The following RNF217 variants were observed in gnomAD, a reference collection of about 807,000 sequenced individuals.
RNF217 encodes E3 ubiquitin-protein ligase RNF217.
RNF217 carries 31 observed loss-of-function variants against 57.8 expected under a neutral mutation model. The ratio of observed to expected loss-of-function variants is 0.54; its 90% CI spans 0.40 to 0.72. RNF217 has a LOEUF of 0.72. RNF217 is among the 30% of genes least tolerant of loss of function. The pLI is 0.00. For missense variants in RNF217, 696 were observed against 708.3 expected (o/e 0.98, Z 0.20); for synonymous variants, 313 against 294.0 (o/e 1.06, Z -0.66).
chr6:125,057,293 C>A (rs1284910365), intron 2 of RNF217, among the ~76,000 whole-genome samples: 1 of 152,070 alleles, frequency 6.6e-6, no homozygotes, highest in Non-Finnish European at 1.5e-5. Context: ...TGTCATGTCT[C>A]GTGTCATCCT....
At chr6:124,997,866 A>G (rs1461915869) in intron 1 of RNF217, among the ~76,000 whole-genome samples, 1 of 151,840 alleles carries the variant, frequency 6.6e-6, no homozygotes, top group Non-Finnish European at 1.5e-5. Flanking sequence ...TAATTTTTTC[A>G]TCCTGTAGTA....
In RNF217 at chr6:125,022,851, C is replaced by CT. The variant is rs202208843; in HGVS notation, c.883-22358dup. 6.9e-3 allele frequency among the ~76,000 whole-genome samples: 1,054 copies of CT among 152,154 alleles called. 17 individuals carry two copies. Among genetic ancestry groups the CT allele is most frequent in the African/African-American group, 0.024 (1,008 of 41,538 alleles). On this transcript the variant is annotated intron_variant, in intron 1 of 5. Transcript: ENST00000521654. The stretch of plus-strand genomic sequence containing the variant: ...CTCTCCTTTGTCACCTATGTCCCTG[C>CT]TTGACCTTGAGTTTTCTGTAGCTAG...
chr6:125,013,383 G>GTGTGTGTT (rs1354865847), intron 1 of RNF217, among the ~76,000 whole-genome samples: 4 of 151,238 alleles, frequency 2.6e-5, no homozygotes, highest in Admixed American at 2.6e-4. Context: ...GTGTGTGTGT[G>GTGTGTGTT]TGTGTGCTGT....
chr6:124,995,400 C>G (rs1042234467), intron 1 of RNF217, among the ~76,000 whole-genome samples: 2 of 152,198 alleles, frequency 1.3e-5, no homozygotes, highest in Non-Finnish European at 2.9e-5. Flanking sequence ...AATTTAGTTT[C>G]ATTACAAATG....
intron 1 of RNF217, among the ~76,000 whole-genome samples, chr6:125,011,344 C>A (rs1444438251): frequency 6.6e-6 from 1 of 152,100 alleles, no homozygotes; most frequent in Admixed American, 6.5e-5. Flanking sequence ...TCTTTTATTA[C>A]AGCCTGACAA....
At chr6:125,034,262 T>G (rs1786500000) in intron 1 of RNF217, among the ~76,000 whole-genome samples, 1 of 152,210 alleles carries the variant, frequency 6.6e-6, no homozygotes, top group Non-Finnish European at 1.5e-5. Context: ...AGACATGAAG[T>G]CTTTGCCCAT....
At chr6:125,021,790 A>G (rs916543118) in intron 1 of RNF217, among the ~76,000 whole-genome samples, 1 of 152,194 alleles carries the variant, frequency 6.6e-6, no homozygotes, top group Non-Finnish European at 1.5e-5. Flanking sequence ...CTTTCCCTGT[A>G]TAACTGAAAA....
chr6:125,016,888 A>G (rs1785633642), intron 1 of RNF217, among the ~76,000 whole-genome samples: 1 of 152,168 alleles, frequency 6.6e-6, no homozygotes, highest in Non-Finnish European at 1.5e-5. Context: ...CTATCCAACA[A>G]TCCTGCACGT....
intron 1 of RNF217, among the ~76,000 whole-genome samples, chr6:124,980,205 G>T (rs1453015631): frequency 6.6e-6 from 1 of 152,138 alleles, no homozygotes; most frequent in Non-Finnish European, 1.5e-5. Flanking sequence ...CATCTTTTGC[G>T]AAGATGTCCA....
At position 125,083,835 on chromosome 6, in the gene RNF217, G is replaced by A. The variant is rs958658132; in HGVS notation, c.*898G>A. On this transcript the variant is annotated 3_prime_UTR_variant, in exon 6 of 6. Coordinates refer to ENST00000521654, the MANE Select transcript of RNF217 (RefSeq NM_001286398.3). Reference sequence around the variant, plus strand: ...TAAGCTTTGTAAACTGACAAAACTGGCTGCTTTTAGGAAATTCTCAAGACA... The same window carrying A: ...TAAGCTTTGTAAACTGACAAAACTGACTGCTTTTAGGAAATTCTCAAGACA... The A allele has an allele frequency of 6.6e-6, 1 of 152,042 alleles. No homozygotes were observed. Among genetic ancestry groups the A allele is most frequent in the African/African-American group, 2.4e-5 (1 of 41,412 alleles). The allele number at this position is 152,042 out of a possible 1,614,324, so 9.4% of individuals were successfully genotyped here.
At chr6:124,982,616 G>A (rs868011517) in intron 1 of RNF217, among the ~76,000 whole-genome samples, 11 of 151,452 alleles carry the variant, frequency 7.3e-5, no homozygotes, top group African/African-American at 2.7e-4. Flanking sequence ...CCGTTTTATA[G>A]ATCATTTATT....
At chr6:124,963,563 C>A in intron 1 of RNF217, 137 bp downstream of exon 1, 3 of 1,092,276 alleles carry the variant, frequency 2.7e-6, no homozygotes, top group Non-Finnish European at 3.7e-6. Context: ...TTTCTCACGT[C>A]TCAGTTGTTA....
In RNF217 at chr6:125,091,042, T is replaced by C. The variant is rs1459199852; in HGVS notation, c.*8105T>C. 6.6e-6 allele frequency: 1 copy of C among 152,064 alleles called. No homozygotes were observed. The highest frequency in any genetic ancestry group is 2.4e-5 in the African/African-American group (1 of 41,440). The allele number at this position is 152,064 out of a possible 1,614,324, so 9.4% of individuals were successfully genotyped here. On this transcript the variant is annotated 3_prime_UTR_variant, in exon 6 of 6. Transcript: ENST00000521654. The stretch of plus-strand genomic sequence containing the variant: ...ATGAAATGTTGAGAAATAAGGAGTA[T>C]CTTAAAAACCTAATTTCTTACACTT...
chr6:125,035,162 C>T (rs1008927104), intron 1 of RNF217, among the ~76,000 whole-genome samples: 2 of 152,152 alleles, frequency 1.3e-5, no homozygotes, highest in Admixed American at 1.3e-4. Flanking sequence ...ATTTGACTTC[C>T]TCTTTTCCTA....
At chr6:125,031,539 C>G (rs1476397955) in intron 1 of RNF217, among the ~76,000 whole-genome samples, 1 of 152,128 alleles carries the variant, frequency 6.6e-6, no homozygotes, top group East Asian at 1.9e-4. Flanking sequence ...GTTTCAGTTC[C>G]ACAAATCTCT....
chr6:125,034,513 C>T (rs9491282), intron 1 of RNF217, among the ~76,000 whole-genome samples: 41,980 of 151,616 alleles, frequency 0.28, 6,320 homozygotes, highest in East Asian at 0.4. Context: ...TGTAGATATG[C>T]GACATTATTT....
At chr6:125,082,610 G>T (rs1374089304) in intron 5 of RNF217, 4 of 1,580,896 alleles carry the variant, frequency 2.5e-6, no homozygotes, top group Non-Finnish European at 8.6e-7. Context: ...CAATAAAGAA[G>T]ATTTAAACCA....
At chr6:125,082,389 A>T (rs1488481957) in intron 5 of RNF217, 2 of 1,459,000 alleles carry the variant, frequency 1.4e-6, no homozygotes, top group African/African-American at 1.4e-5. Context: ...TCTGACATTT[A>T]AGTTCTTGCA....
chr6:125,082,986 C>G lies in RNF217; in HGVS notation c.*49C>G. On this transcript the variant is annotated 3_prime_UTR_variant, in exon 6 of 6. Coordinates refer to ENST00000521654, the MANE Select transcript of RNF217 (RefSeq NM_001286398.3). ...AAGCTGGTTGGAGTAGGAGCGATAC[C>G]AAAGGGTACACCCATCTGTGAGTCA... 4 of 1,283,822 alleles carry G rather than the reference C, an allele frequency of 3.1e-6. No individual in the cohort carries two copies. Among genetic ancestry groups the G allele is most frequent in the Non-Finnish European group, 4.4e-6 (4 of 915,304 alleles). The allele number at this position is 1,283,822 out of a possible 1,614,324, so 79.5% of individuals were successfully genotyped here. A position where few individuals can be genotyped will look rare whatever the true frequency, so the allele number is the denominator to read the frequency against.
Sources: gnomAD v4.1 joint callset for allele counts (sites outside exome capture counted in the v4.1 genomes callset) on GRCh38, gnomAD v4.1.1 for gene constraint, MANE v1.5 for transcripts, NCBI Gene and HGNC (gene_info 2026-07-23, HGNC 2026-07-21) for gene names.